TFDP2: variants seen among roughly 807,000 people sequenced by gnomAD.
TFDP2 encodes the protein transcription factor Dp-2.
In TFDP2, 17 loss-of-function variants were observed where a neutral mutation model predicts 59.3. The observed-to-expected ratio is 0.29, with a 90% CI of 0.20 to 0.43. The LOEUF (loss-of-function observed/expected upper bound fraction) is 0.43. Ranked by LOEUF, TFDP2 falls within the 20% of genes least tolerant of loss-of-function variation. The pLI is 1.00. For missense variants in TFDP2, 391 were observed against 528.8 expected (o/e 0.74, Z 2.56); for synonymous variants, 180 against 194.7 (o/e 0.92, Z 0.63).
In TFDP2 at chr3:142,148,833, T is replaced by C. The variant is rs189719984; in HGVS notation, c.-93+350A>G. The stretch of plus-strand genomic sequence containing the variant: ...GGTGGACACAGAGGCCTGTGAGTCA[T>C]GAAAGGAGAAGGGAAAAATCGGAAA... On this transcript the variant is annotated intron_variant, in intron 1 of 12. Transcript: ENST00000489671. Among the ~76,000 whole-genome samples, 805 of 152,294 alleles carry C rather than the reference T, an allele frequency of 5.3e-3. 2 individuals are homozygous for C. The highest frequency in any genetic ancestry group is 9.1e-3 in the Non-Finnish European group (616 of 68,022).
intron 4 of TFDP2, among the ~76,000 whole-genome samples, chr3:141,997,475 A>T (rs1943370834): frequency 1.3e-5 from 2 of 152,118 alleles, no homozygotes; most frequent in African/African-American, 4.8e-5. Context: ...CCCTTGAAAC[A>T]GATTGTATTA....
In TFDP2 at chr3:142,087,663, CTAATTTTTTTG is replaced by C. The variant is rs566609644; in HGVS notation, c.82+5387_82+5397del. Among the ~76,000 whole-genome samples, 563 of 151,990 alleles carry C rather than the reference CTAATTTTTTTG, an allele frequency of 3.7e-3. 2 individuals are homozygous for C. Among genetic ancestry groups the C allele is most frequent in the Non-Finnish European group, 7.0e-3 (474 of 67,954 alleles). ...CTACAGGTACACGCCACCATACCAGCTAATTTTTTTGTAATTTTTGTAGAGGTGGGGTTTTG... is the reference window on the plus strand; with the variant it reads ...CTACAGGTACACGCCACCATACCAGCTAATTTTTGTAGAGGTGGGGTTTTG... On this transcript the variant is annotated intron_variant, in intron 3 of 12. Coordinates refer to ENST00000489671, the MANE Select transcript of TFDP2 (RefSeq NM_001178139.2).
intron 3 of TFDP2, among the ~76,000 whole-genome samples, chr3:142,010,406 C>T (rs1242014406): frequency 3.3e-5 from 5 of 152,014 alleles, no homozygotes; most frequent in African/African-American, 4.8e-5. Context: ...GTCAAGAGTT[C>T]GACACCAGCT....
chr3:142,144,738 A>G (rs111289782), intron 1 of TFDP2, among the ~76,000 whole-genome samples: 12,778 of 152,180 alleles, frequency 0.084, 660 homozygotes, highest in Middle Eastern at 0.14. Flanking sequence ...GACAGGTTTC[A>G]CCATGTTGCC....
Position 142,149,491 on chromosome 3 carries a change from G to C in TFDP2, c.-401C>G, listed in dbSNP as rs1283766975. 1.4e-5 allele frequency: 5 copies of C among 358,858 alleles called. No individual in the cohort carries two copies. Among genetic ancestry groups the C allele is most frequent in the East Asian group, 1.2e-4 (3 of 24,762 alleles). The allele number at this position is 358,858 out of a possible 1,614,324, so 22.2% of individuals were successfully genotyped here. A position where few individuals can be genotyped will look rare whatever the true frequency, so the allele number is the denominator to read the frequency against. On this transcript the variant is annotated 5_prime_UTR_variant, in exon 1 of 13. Coordinates refer to ENST00000489671, the MANE Select transcript of TFDP2 (RefSeq NM_001178139.2). Reference sequence around the variant, plus strand: ...ATTTCGTCCGCCCTCTCCCTGCCCAGCTACAGCCCCGCTTCCCCCGCGCGA... The same window carrying C: ...ATTTCGTCCGCCCTCTCCCTGCCCACCTACAGCCCCGCTTCCCCCGCGCGA...
At chr3:142,132,569 C>T (rs1455065992) in intron 1 of TFDP2, among the ~76,000 whole-genome samples, 1 of 149,010 alleles carries the variant, frequency 6.7e-6, no homozygotes, top group Non-Finnish European at 1.5e-5. Flanking sequence ...CACAATGAAA[C>T]CCCGTCTCTA....
intron 6 of TFDP2, among the ~76,000 whole-genome samples, chr3:141,980,681 G>A (rs932439010): frequency 3.3e-5 from 5 of 151,906 alleles, no homozygotes; most frequent in Admixed American, 6.6e-5. Flanking sequence ...CATTACAGGC[G>A]CCTACCCCCA....
In TFDP2 at chr3:142,109,571, G is replaced by A. The variant is rs187285673; in HGVS notation, c.-92-7730C>T. Among the ~76,000 whole-genome samples the A allele has an allele frequency of 4.6e-5, 7 of 152,092 alleles. No homozygotes were observed. The East Asian group carries it at 1.2e-3, about 25-fold the overall frequency. On this transcript the variant is annotated intron_variant, in intron 1 of 12. Coordinates refer to ENST00000489671, the MANE Select transcript of TFDP2 (RefSeq NM_001178139.2). ...TCAAACTAGCAAACTCAGGTGATCC[G>A]CCCGCCTCGGCCTCCCAAAGTGCTG...
At chr3:141,986,086 C>G (rs894031406) in intron 6 of TFDP2, among the ~76,000 whole-genome samples, 1 of 152,188 alleles carries the variant, frequency 6.6e-6, no homozygotes, top group Non-Finnish European at 1.5e-5. Flanking sequence ...TATGACCCAG[C>G]AATTCCACTC....
intron 2 of TFDP2, among the ~76,000 whole-genome samples, chr3:142,094,879 A>G (rs1576968347): frequency 6.6e-6 from 1 of 152,294 alleles, no homozygotes; most frequent in South Asian, 2.1e-4. Context: ...AATTATCATC[A>G]CTGTGCAGCA....
chr3:142,139,247 G>A (rs1175756821), intron 1 of TFDP2, among the ~76,000 whole-genome samples: 1 of 151,970 alleles, frequency 6.6e-6, no homozygotes, highest in Non-Finnish European at 1.5e-5. Flanking sequence ...TTTATTTTGA[G>A]CCCATGTGTG....
rs1284322560 is a variant in TFDP2 at position 141,947,340 on chromosome 3, CAGAT to C, written c.*5169_*5172del. ...CCAAAGCCAGCCCATATGCAGAATA[CAGAT>C]GATCTCTTTGATGTAGCCAACAACT... is the stretch of plus-strand genomic sequence containing the variant. On this transcript the variant is annotated 3_prime_UTR_variant, in exon 13 of 13. Transcript: ENST00000489671. The C allele has an allele frequency of 2.0e-5, 3 of 152,236 alleles. No homozygotes were observed. Among genetic ancestry groups the C allele is most frequent in the African/African-American group, 4.8e-5 (2 of 41,448 alleles). The allele number at this position is 152,236 out of a possible 1,614,324, so 9.4% of individuals were successfully genotyped here.
At chr3:142,065,995 T>C (rs1453310093) in intron 3 of TFDP2, among the ~76,000 whole-genome samples, 1 of 152,186 alleles carries the variant, frequency 6.6e-6, no homozygotes, top group Admixed American at 6.5e-5. Flanking sequence ...TTTTAAGATT[T>C]TAAACACTGA....
chr3:142,030,961 C>T (rs1946403399), intron 3 of TFDP2, among the ~76,000 whole-genome samples: 1 of 151,650 alleles, frequency 6.6e-6, no homozygotes, highest in Admixed American at 6.6e-5. Flanking sequence ...CCGGGATGGT[C>T]TCGATCTCCT....
At chr3:142,123,270 G>A (rs982318209) in intron 1 of TFDP2, among the ~76,000 whole-genome samples, 2 of 152,188 alleles carry the variant, frequency 1.3e-5, no homozygotes, top group African/African-American at 2.4e-5. Flanking sequence ...GAGTAGCTGG[G>A]ACTACAGGCG....
intron 3 of TFDP2, among the ~76,000 whole-genome samples, chr3:142,061,896 A>T (rs879459089): frequency 0.21 from 6,651 of 31,278 alleles, 244 homozygotes; most frequent in Non-Finnish European, 0.24. Context: ...CTCTACACAC[A>T]CACACACACA....
intron 1 of TFDP2, chr3:142,126,102 A>C (rs982780805): frequency 6.6e-6 from 1 of 152,152 alleles, no homozygotes; most frequent in African/African-American, 2.4e-5. Flanking sequence ...CAACTAAACA[A>C]CACCAAATCC....
chr3:141,958,229 G>GGAAACAAACAGTTTATTTTCAGT (rs1936934509), intron 11 of TFDP2, among the ~76,000 whole-genome samples: 2 of 151,822 alleles, frequency 1.3e-5, no homozygotes, highest in African/African-American at 4.8e-5. Flanking sequence ...TCAAGCAATC[G>GGAAACAAACAGTTTATTTTCAGT]GAAACAAACA....
intron 1 of TFDP2, among the ~76,000 whole-genome samples, chr3:142,114,591 C>T (rs2061784363): frequency 2.0e-5 from 3 of 151,930 alleles, no homozygotes; most frequent in Admixed American, 2.0e-4. Flanking sequence ...TTTATACTAA[C>T]TAAAGGTTAA....
Sources: allele counts gnomAD v4.1 joint callset (sites outside exome capture counted in the v4.1 genomes callset), GRCh38; gene constraint gnomAD v4.1.1; transcripts MANE v1.5; gene names NCBI Gene and HGNC (gene_info 2026-07-23, HGNC 2026-07-21).